Variants in CROT observed in about 807,000 individuals in gnomAD.
The protein encoded by CROT is carnitine O-octanoyltransferase.
In CROT, 84 loss-of-function variants were observed where a neutral mutation model predicts 89.2. That is an observed-to-expected ratio of 0.94 (90% CI 0.79 to 1.13). The LOEUF (loss-of-function observed/expected upper bound fraction) is 1.13. CROT is among the 50% of genes most tolerant of loss of function. The probability of loss-of-function intolerance (pLI) is 0.00; values close to 1 mark genes in which losing one functional copy is unlikely to be tolerated. For synonymous variants in CROT, 212 were observed against 239.5 expected, an observed-to-expected ratio of 0.89 and a Z score of 1.06; for missense variants, 711 against 727.8, an observed-to-expected ratio of 0.98 and a Z score of 0.27.
At chr7:87,362,502 C>A (rs1276169879) in intron 6 of CROT, among the ~76,000 whole-genome samples, 2 of 151,950 alleles carry the variant, frequency 1.3e-5, no homozygotes, top group East Asian at 3.9e-4. Context: ...CACCATGATG[C>A]CCAGGCTAGT....
At chr7:87,393,237 C>T (rs557242257) in intron 17 of CROT, among the ~76,000 whole-genome samples, 170 bp downstream of exon 17, 2 of 152,234 alleles carry the variant, frequency 1.3e-5, no homozygotes, top group South Asian at 4.2e-4. Context: ...GTTTCTCTGT[C>T]CTGCTTTTGA....
At position 87,382,080 on chromosome 7, in the gene CROT, G is replaced by C. The variant is rs759742579; in HGVS notation, c.1069G>C (p.Glu357Gln). Residue 357 changes from glutamate to glutamine, a missense_variant, in exon 12 of 18, where the codon GAG (glutamate) becomes CAG (glutamine). Transcript: ENST00000331536. ...AAGTCTTCCCTATTTTCAGGGTTCA[G>C]AGAAGGTACGAGATATACCACTTCC... Reference protein sequence around the residue: ...FQNEGRWKGSEKVRDIPLPEE... With the variant: ...FQNEGRWKGSQKVRDIPLPEE... 5 of 1,610,216 alleles carry C rather than the reference G, an allele frequency of 3.1e-6. No homozygotes were observed. In the African/African-American group the frequency reaches 4.0e-5, roughly 13 times the overall value.
chr7:87,383,815 A>G (rs919573214), intron 13 of CROT, among the ~76,000 whole-genome samples: 35 of 152,020 alleles, frequency 2.3e-4, no homozygotes, highest in African/African-American at 8.2e-4. Flanking sequence ...CTTTATCCAT[A>G]CATCTGCTGG....
At chr7:87,365,769 C>G (rs965046565) in intron 6 of CROT, among the ~76,000 whole-genome samples, 1 of 151,756 alleles carries the variant, frequency 6.6e-6, no homozygotes, top group African/African-American at 2.4e-5. Flanking sequence ...CCACACCTGG[C>G]TAATTTTTGT....
At chr7:87,388,339 A>G (rs1357966044) in intron 13 of CROT, among the ~76,000 whole-genome samples, 1 of 152,136 alleles carries the variant, frequency 6.6e-6, no homozygotes, top group Non-Finnish European at 1.5e-5. Context: ...GCAAAAAGAA[A>G]AAAACTGGAG....
intron 2 of CROT, among the ~76,000 whole-genome samples, chr7:87,348,365 C>G (rs1584614564): frequency 6.6e-6 from 1 of 152,102 alleles, no homozygotes; most frequent in Non-Finnish European, 1.5e-5. Flanking sequence ...CACTTGAGAC[C>G]ATTCTGTGTA....
At chr7:87,365,852 C>T (rs538187369) in intron 6 of CROT, among the ~76,000 whole-genome samples, 1 of 151,998 alleles carries the variant, frequency 6.6e-6, no homozygotes, top group Non-Finnish European at 1.5e-5. Flanking sequence ...GCAATCTGCC[C>T]GCCTCAGCCC....
chr7:87,392,904 G>A (rs763210454), intron 16 of CROT, 44 bp from the exon 17 acceptor site: 3 of 1,610,960 alleles, frequency 1.9e-6, no homozygotes, highest in East Asian at 4.5e-5. Flanking sequence ...AACAATATAA[G>A]CATCTGTAGG....
chr7:87,392,110 T>A (rs1807380426), intron 14 of CROT, among the ~76,000 whole-genome samples: 1 of 152,172 alleles, frequency 6.6e-6, no homozygotes, highest in African/African-American at 2.4e-5. Context: ...AGTTGTATGC[T>A]TTGTTTCATA....
Position 87,380,367 on chromosome 7 carries a change from C to T in CROT, c.979-1543C>T, listed in dbSNP as rs916307743. Among the ~76,000 whole-genome samples, 3 of 152,240 alleles carry T rather than the reference C, an allele frequency of 2.0e-5. No individual in the cohort carries two copies. In the East Asian group the frequency reaches 5.8e-4, roughly 29 times the overall value. On this transcript the variant is annotated intron_variant, in intron 10 of 17. Transcript: ENST00000331536. ...CTTTAGTTAATAATAACAATAGTTA[C>T]TAATTATTGCTGTGAGCTAGATCCT... is the stretch of plus-strand genomic sequence containing the variant.
At position 87,381,927 on chromosome 7, in the gene CROT, A is replaced by G. The variant is rs2116027686; in HGVS notation, c.996A>G (p.Ala332=). 6.2e-7 allele frequency: 1 copy of G among 1,608,858 alleles called. No homozygotes were observed. Among genetic ancestry groups the G allele is most frequent in the East Asian group, 2.2e-5 (1 of 44,688 alleles). ...CATTTTAGCATGCTCCTTTTGATGC[A>G]ATGATTATGGTGAACATCAGTTATT... ...GCNCDHAPFD[A]MIMVNISYYV... The change falls in exon 11 of 18, where the codon GCA becomes GCG. Residue 332 remains alanine (A), a synonymous_variant. Transcript: ENST00000331536.
chr7:87,374,432 G>C (rs986333840), intron 7 of CROT, among the ~76,000 whole-genome samples: 2 of 151,960 alleles, frequency 1.3e-5, no homozygotes, highest in Admixed American at 1.3e-4. Context: ...GTCAAAACTC[G>C]TGCTTTGAGG....
Position 87,393,060 on chromosome 7 carries a change from G to A in CROT, c.1711G>A (p.Asp571Asn). ...NGYGFFYHIR[D>N]DRFVVACSAW... is the part of the protein sequence containing the mutation. ...TTATGGATTTTTCTACCATATCAGA[G>A]ATGACAGGTGAGGCTTCTCTTTTTT... The change falls in exon 17 of 18, where the codon GAT (aspartate) becomes AAT (asparagine). Residue 571 changes from aspartate (D) to asparagine (N), a missense_variant. Coordinates refer to ENST00000331536, the MANE Select transcript of CROT (RefSeq NM_021151.4). 1 of 1,613,016 alleles carries A rather than the reference G, an allele frequency of 6.2e-7. No homozygotes were observed. The highest frequency in any genetic ancestry group is 8.5e-7 in the Non-Finnish European group (1 of 1,179,448).
rs971629302 is a variant in CROT, at chr7:87,399,473, T to C, written c.*829T>C. On this transcript the variant is annotated 3_prime_UTR_variant, in exon 18 of 18. Transcript: ENST00000331536. ...CTGGGCAAGAGCGTGAGACCCTGTCTCAAAGAAGAAAAAAAGAGAAAAATA... is the reference window on the plus strand; with the variant it reads ...CTGGGCAAGAGCGTGAGACCCTGTCCCAAAGAAGAAAAAAAGAGAAAAATA... The C allele has an allele frequency of 2.0e-5, 3 of 152,058 alleles. No individual in the cohort carries two copies. The highest frequency in any genetic ancestry group is 4.4e-5 in the Non-Finnish European group (3 of 68,026). The allele number at this position is 152,058 out of a possible 1,614,324, so 9.4% of individuals were successfully genotyped here.
At chr7:87,378,235 T>A (rs1375151959) in intron 10 of CROT, among the ~76,000 whole-genome samples, 1 of 150,952 alleles carries the variant, frequency 6.6e-6, no homozygotes, top group Non-Finnish European at 1.5e-5. Flanking sequence ...TCCCAGCTAC[T>A]TGGGAGGCTG....
intron 4 of CROT, chr7:87,359,534 GA>G: frequency 6.1e-6 from 8 of 1,317,654 alleles, no homozygotes; most frequent in Non-Finnish European, 7.7e-6. Flanking sequence ...GATTTGCTGG[GA>G]TAAGTGATTC....
intron 6 of CROT, among the ~76,000 whole-genome samples, chr7:87,362,543 G>A (rs1466447413): frequency 6.6e-6 from 1 of 151,936 alleles, no homozygotes; most frequent in Admixed American, 6.6e-5. Flanking sequence ...CAGTCTGTCC[G>A]CCTCAGCCTC....
intron 3 of CROT, among the ~76,000 whole-genome samples, chr7:87,352,606 C>T (rs1805904085): frequency 6.6e-6 from 1 of 152,140 alleles, no homozygotes; most frequent in Admixed American, 6.6e-5. Context: ...TTTGCCTGAC[C>T]TTGATTTGGA....
At chr7:87,380,627 CA>C (rs1319796068) in intron 10 of CROT, among the ~76,000 whole-genome samples, 2 of 152,112 alleles carry the variant, frequency 1.3e-5, no homozygotes, top group African/African-American at 4.8e-5. Flanking sequence ...ATTATGTGAA[CA>C]AATAAAGCAT....
Sources: gnomAD v4.1 joint callset for allele counts (sites outside exome capture counted in the v4.1 genomes callset) on GRCh38, gnomAD v4.1.1 for gene constraint, MANE v1.5 for transcripts, NCBI Gene and HGNC (gene_info 2026-07-23, HGNC 2026-07-21) for gene names.